Variants in VPS11 observed in about 807,000 individuals in gnomAD.
VPS11 encodes vacuolar protein sorting-associated protein 11 homolog.
VPS11 carries 51 observed loss-of-function variants against 106.8 expected under a neutral mutation model. The observed-to-expected ratio is 0.48, with a 90% CI of 0.38 to 0.60. The LOEUF is 0.60. VPS11 is among the 20% of genes least tolerant of loss of function. The probability of loss-of-function intolerance (pLI) is 0.00; values close to 1 mark genes in which losing one functional copy is unlikely to be tolerated. For missense variants in VPS11, 950 were observed against 1,190.0 expected, an observed-to-expected ratio of 0.80 and a Z score of 2.97; for synonymous variants, 453 against 458.7, an observed-to-expected ratio of 0.99 and a Z score of 0.16.
chr11:119,072,953 A>T (rs1945455341), intron 5 of VPS11: 1 of 532,604 alleles, frequency 1.9e-6, no homozygotes, highest in African/African-American at 1.9e-5. Flanking sequence ...AAATGAATGG[A>T]TATGTTAGTG....
In VPS11 at chr11:119,076,800, G is replaced by T. The variant is rs1029671665; in HGVS notation, c.1239-97G>T. 5.0e-6 allele frequency: 7 copies of T among 1,404,978 alleles called. 1 individual carries two copies. The African/African-American group carries it at 8.5e-5, about 17-fold the overall frequency. 87.0% of individuals were successfully genotyped at this position (1,404,978 alleles called of 1,614,324 possible). ...GCCCCACTCCAGATCCACTGAAATA[G>T]AATTTGCATTTTGAGAAGATCTGCA... On this transcript the variant is annotated intron_variant, in intron 7 of 15. Transcript: ENST00000621676.
At position 119,067,989 on chromosome 11, in the gene VPS11, C is replaced by T; in HGVS notation, c.166C>T (p.Arg56Ter). Reference protein sequence around the residue: ...PPGITVCDSGRGSLVFGDMEG... With the variant: ...PPGITVCDSG ...TGGCATCACTGTCTGCGACTCAGGC[C>T]GAGGGAGCCTGGTCTTTGGAGATAT... The change falls in exon 1 of 16, where the codon CGA (arginine) becomes TGA (stop). Residue 56 changes from arginine (R) to a stop codon, truncating the protein, a stop_gained. Coordinates refer to ENST00000621676, the MANE Select transcript of VPS11 (RefSeq NM_021729.6). LOFTEE classifies it high-confidence loss of function. 1 of 1,611,280 alleles carries T rather than the reference C, an allele frequency of 6.2e-7. No individual in the cohort carries two copies. The highest frequency in any genetic ancestry group is 8.5e-7 in the Non-Finnish European group (1 of 1,178,400).
At chr11:119,069,171 A>G (rs781887119) in intron 1 of VPS11, 25 bp from the exon 2 acceptor site, 39 of 1,612,626 alleles carry the variant, frequency 2.4e-5, no homozygotes, top group South Asian at 3.3e-5. Context: ...CTCCTTGGAA[A>G]GGAGGCTCCT....
Position 119,079,284 on chromosome 11 carries a change from C to G in VPS11, c.2422C>G (p.Gln808Glu), listed in dbSNP as rs782475617. 8.2e-6 allele frequency: 13 copies of G among 1,594,642 alleles called. No homozygotes were observed. In the East Asian group the frequency reaches 3.0e-4, roughly 36 times the overall value. Reference protein sequence around the residue: ...EETTRIRQEIQELKASPKIFQ... With the variant: ...EETTRIRQEIEELKASPKIFQ... ...GACCACCCGTATCCGCCAGGAGATC[C>G]AAGAGCTCAAGGCCAGGTACCCGGG... Residue 808 changes from glutamine (Q) to glutamate (E), a missense_variant, in exon 14 of 16, where the codon CAA becomes GAA. Physicochemically the swap from Gln to Glu is conservative, Grantham distance 29. Coordinates refer to ENST00000621676, the MANE Select transcript of VPS11 (RefSeq NM_021729.6).
At chr11:119,073,738 T>C in intron 6 of VPS11, 62 bp from the exon 7 acceptor site, 1 of 1,558,940 alleles carries the variant, frequency 6.4e-7, no homozygotes, top group Non-Finnish European at 8.8e-7. Context: ...TGTGCGCACA[T>C]TTTGGGAAAG....
chr11:119,081,627 G>A lies in VPS11; in HGVS notation c.*4G>A. The A allele has an allele frequency of 6.2e-7, 1 of 1,613,582 alleles. No homozygotes were observed. The highest frequency in any genetic ancestry group is 1.1e-5 in the South Asian group (1 of 91,074). ...GCACTCCAGGAGGGGCACTTAAGCA[G>A]CCTGGAGGAAGATGTGGGCAACAGT... is the stretch of plus-strand genomic sequence containing the variant. On this transcript the variant is annotated 3_prime_UTR_variant, in exon 16 of 16. Coordinates refer to ENST00000621676, the MANE Select transcript of VPS11 (RefSeq NM_021729.6).
chr11:119,077,365 C>A, intron 8 of VPS11, 136 bp from the exon 9 acceptor site: 2 of 1,291,102 alleles, frequency 1.5e-6, no homozygotes, highest in Middle Eastern at 2.4e-4. Context: ...GAAACTCCCA[C>A]AGGCTGAGTA....
At chr11:119,078,138 C>T (rs781893691) in intron 10 of VPS11, 35 bp from the exon 11 acceptor site, 57 of 1,610,738 alleles carry the variant, frequency 3.5e-5, no homozygotes, top group Middle Eastern at 3.3e-4. Flanking sequence ...CACGCCCACT[C>T]ATTCAGCCTC....
At chr11:119,081,027 C>T in intron 14 of VPS11, 65 bp from the exon 15 acceptor site, 1 of 1,472,320 alleles carries the variant, frequency 6.8e-7, no homozygotes, top group Non-Finnish European at 9.5e-7. Flanking sequence ...TGCCTTCTTT[C>T]TCATCCTTGA....
intron 7 of VPS11, among the ~76,000 whole-genome samples, chr11:119,076,366 A>G (rs1394732789): frequency 6.6e-6 from 1 of 151,998 alleles, no homozygotes; most frequent in Non-Finnish European, 1.5e-5. Flanking sequence ...GCCTCTACTA[A>G]AAATACAAAA....
intron 4 of VPS11, among the ~76,000 whole-genome samples, chr11:119,070,978 G>T (rs1377754965): frequency 6.9e-6 from 1 of 145,936 alleles, no homozygotes. Context: ...ACCCAGGCTA[G>T]AGTGCAATGG....
chr11:119,071,622 C>T lies in VPS11; in HGVS notation c.663C>T (p.Tyr221=). The T allele has an allele frequency of 6.2e-7, 1 of 1,613,998 alleles. No homozygotes were observed. The highest frequency in any genetic ancestry group is 8.5e-7 in the Non-Finnish European group (1 of 1,179,900). ...VQSYIVSGKD[Y]PRVELDTHGC... ...CCTATATAGTTTCTGGAAAAGACTA[C>T]CCTCGCGTGGAGTTGGACACCCATG... Residue 221 remains tyrosine (Y), a synonymous_variant, in exon 5 of 16, where the codon TAC becomes TAT. Coordinates refer to ENST00000621676, the MANE Select transcript of VPS11 (RefSeq NM_021729.6).
In VPS11 at chr11:119,073,862, C is replaced by A; in HGVS notation, c.1149C>A (p.Asp383Glu). The A allele has an allele frequency of 6.2e-7, 1 of 1,613,860 alleles. No homozygotes were observed. Among genetic ancestry groups the A allele is most frequent in the Non-Finnish European group, 8.5e-7 (1 of 1,179,782 alleles). The part of the protein sequence containing the change: ...AINLAKSQHL[D>E]SDGLAQIFMQ... ...ACCTTGCCAAGAGCCAGCATCTGGA[C>A]AGTGATGGGCTGGCCCAGATTTTCA... Residue 383 changes from aspartate to glutamate, a missense_variant, in exon 7 of 16, where the codon GAC becomes GAA. Physicochemically the swap from Asp to Glu is conservative, Grantham distance 45. Around this residue, in one of 3 missense-constraint regions of VPS11, gnomAD observed 435 missense variants for 630.2 expected, o/e 0.69. Transcript: ENST00000621676.
In VPS11 at chr11:119,079,199, A is replaced by G; in HGVS notation, c.2337A>G (p.Leu779=). 1 of 1,613,554 alleles carries G rather than the reference A, an allele frequency of 6.2e-7. No individual in the cohort carries two copies. The highest frequency in any genetic ancestry group is 8.5e-7 in the Non-Finnish European group (1 of 1,179,702). The change falls in exon 14 of 16, where the codon CTA becomes CTG. Residue 779 remains leucine (L), a synonymous_variant. Coordinates refer to ENST00000621676, the MANE Select transcript of VPS11 (RefSeq NM_021729.6). ...TCAGGGACTACCTGGTCCAAAAACT[A>G]CAGAAACAGAGCCAGCAGATTGCAC... The part of the protein sequence containing the change: ...SVIRDYLVQK[L]QKQSQQIAQD...
In VPS11 at chr11:119,073,792, C is replaced by T. The variant is rs2134766041; in HGVS notation, c.1087-8C>T. 6.3e-7 allele frequency: 1 copy of T among 1,597,132 alleles called. No homozygotes were observed. On this transcript the variant is annotated splice_polypyrimidine_tract_variant and splice_region_variant and intron_variant, in intron 6 of 15. Transcript: ENST00000621676. ...TCTACCAATTTTCTAATCTCTCTTC[C>T]CTTCTAGATGCTGTTTAAGAAGAAC... is the stretch of plus-strand genomic sequence containing the variant.
intron 1 of VPS11, 65 bp from the exon 2 acceptor site, chr11:119,069,131 A>G: frequency 6.3e-7 from 1 of 1,591,796 alleles, no homozygotes; most frequent in East Asian, 2.2e-5. Context: ...TGTAATTGTT[A>G]TCTGAGTTCT....
Position 119,079,223 on chromosome 11 carries a change from A to G in VPS11, c.2361A>G (p.Ala787=). 1.2e-6 allele frequency: 2 copies of G among 1,612,720 alleles called. No homozygotes were observed. The highest frequency in any genetic ancestry group is 1.7e-6 in the Non-Finnish European group (2 of 1,179,354). ...TACAGAAACAGAGCCAGCAGATTGCACAGGATGAGCTGCGGGTGCGGCGGT... is the reference window on the plus strand; with the variant it reads ...TACAGAAACAGAGCCAGCAGATTGCGCAGGATGAGCTGCGGGTGCGGCGGT... ...QKLQKQSQQI[A]QDELRVRRYR... is the part of the protein sequence containing the mutation. Residue 787 remains alanine (A), a synonymous_variant, in exon 14 of 16, where the codon GCA becomes GCG. Coordinates refer to ENST00000621676, the MANE Select transcript of VPS11 (RefSeq NM_021729.6).
rs1340603212 is a variant in VPS11, at chr11:119,073,954, C to T, written c.1238+3C>T. ...GGGGCTGTCCAGCAATATATCCGGT[C>T]AGTCTGGAGGCACTTTGGGATATAG... On this transcript the variant is annotated splice_donor_region_variant and intron_variant, in intron 7 of 15. Transcript: ENST00000621676. The T allele has an allele frequency of 5.0e-6, 8 of 1,610,772 alleles. No homozygotes were observed. The highest frequency in any genetic ancestry group is 5.1e-6 in the Non-Finnish European group (6 of 1,178,266).
At chr11:119,068,503 G>C (rs1024826205) in intron 1 of VPS11, among the ~76,000 whole-genome samples, 6 of 134,666 alleles carry the variant, frequency 4.5e-5, no homozygotes, top group Non-Finnish European at 6.1e-5. Context: ...AGGCTGGAGT[G>C]CAGTGGCGGG....
Sources: gnomAD v4.1 joint callset for allele counts (sites outside exome capture counted in the v4.1 genomes callset) on GRCh38, gnomAD v4.1.1 for gene constraint, gnomAD v4.1.1 regional missense constraint, MANE v1.5 for transcripts, NCBI Gene and HGNC (gene_info 2026-07-23, HGNC 2026-07-21) for gene names.